The following NECTIN3 variants were observed in gnomAD, a reference collection of about 807,000 sequenced individuals.
NECTIN3 encodes the protein nectin cell adhesion molecule 3.
NECTIN3 carries 8 observed loss-of-function variants against 49.4 expected under a neutral mutation model. The ratio of observed to expected loss-of-function variants is 0.16; its 90% CI spans 0.10 to 0.29. The LOEUF (loss-of-function observed/expected upper bound fraction) is 0.29. Ranked by LOEUF, NECTIN3 falls within the 10% of genes least tolerant of loss-of-function variation. The pLI is 1.00. For missense variants in NECTIN3, 581 were observed against 654.6 expected, an observed-to-expected ratio of 0.89 and a Z score of 1.23; for synonymous variants, 277 against 241.1, an observed-to-expected ratio of 1.15 and a Z score of -1.38.
chr3:111,124,006 A>G (rs2034059750), intron 4 of NECTIN3, among the ~76,000 whole-genome samples: 1 of 152,102 alleles, frequency 6.6e-6, no homozygotes, highest in Non-Finnish European at 1.5e-5. Flanking sequence ...AGGGTTTTTA[A>G]TAACTTTTTA....
Position 111,136,721 on chromosome 3 carries a change from T to C in NECTIN3, c.*2506T>C. On this transcript the variant is annotated 3_prime_UTR_variant, in exon 6 of 6. Transcript: ENST00000485303. ...CTATTTTTGGCCATATTTATATTTA[T>C]TTCTTTCATATGGTTTGAACTGTTT... 1 of 919,776 alleles carries C rather than the reference T, an allele frequency of 1.1e-6. No individual in the cohort carries two copies. The highest frequency in any genetic ancestry group is 1.3e-6 in the Non-Finnish European group (1 of 770,534). 57.0% of individuals were successfully genotyped at this position (919,776 alleles called of 1,614,324 possible).
chr3:111,123,403 A>G (rs1393692433), intron 4 of NECTIN3, among the ~76,000 whole-genome samples: 1 of 152,134 alleles, frequency 6.6e-6, no homozygotes, highest in Non-Finnish European at 1.5e-5. Context: ...ACAGTGAAGC[A>G]TTAAATAAAA....
Position 111,146,205 on chromosome 3 carries a change from C to T in NECTIN3, c.1139+1168C>T, listed in dbSNP as rs1442009160. ...ATCCCAGCACTTTGGGAGGCCGAGG[C>T]GGGCGGATCACGAGGTCAGGAGATC... is the stretch of plus-strand genomic sequence containing the variant. On this transcript the variant is annotated intron_variant, in intron 6 of 8. Transcript: ENST00000493615. 2.6e-4 allele frequency among the ~76,000 whole-genome samples: 39 copies of T among 152,094 alleles called. 1 individual carries two copies. The highest frequency in any genetic ancestry group is 7.4e-5 in the Non-Finnish European group (5 of 67,952).
At chr3:111,150,260 T>C (rs944706512) in intron 7 of NECTIN3, among the ~76,000 whole-genome samples, 3 of 151,908 alleles carry the variant, frequency 2.0e-5, no homozygotes, top group Admixed American at 2.0e-4. Context: ...TGCTGACATA[T>C]CATGTTAATA....
intron 1 of NECTIN3, among the ~76,000 whole-genome samples, chr3:111,091,295 G>A (rs766497947): frequency 5.9e-5 from 9 of 151,472 alleles, no homozygotes; most frequent in Non-Finnish European, 8.8e-5. Flanking sequence ...TTGCTTTGTC[G>A]CCCAGGCTGG....
intron 5 of NECTIN3, among the ~76,000 whole-genome samples, chr3:111,131,321 C>G (rs192935201): frequency 1.3e-5 from 2 of 151,974 alleles, no homozygotes; most frequent in Admixed American, 1.3e-4. Context: ...AAAATAATAT[C>G]TAACTGAAAA....
intron 5 of NECTIN3, among the ~76,000 whole-genome samples, chr3:111,127,445 A>G (rs1183693681): frequency 6.7e-6 from 1 of 148,338 alleles, no homozygotes; most frequent in Non-Finnish European, 1.5e-5. Flanking sequence ...TGCCTGGCAC[A>G]TGATAGAGGT....
Position 111,186,247 on chromosome 3 carries a change from C to T in NECTIN3, c.1222-6104C>T, listed in dbSNP as rs1056731454. On this transcript the variant is annotated intron_variant, in intron 7 of 8. Transcript: ENST00000493615. Reference sequence around the variant, plus strand: ...GGAACCAAAAAAGAGTTTGAATAGCCAAGGCAATCATAAACAAAAAGAACA... The same window carrying T: ...GGAACCAAAAAAGAGTTTGAATAGCTAAGGCAATCATAAACAAAAAGAACA... Among the ~76,000 whole-genome samples, 14 of 151,910 alleles carry T rather than the reference C, an allele frequency of 9.2e-5. No homozygotes were observed. In the East Asian group the frequency reaches 2.3e-3, roughly 25 times the overall value.
chr3:111,154,989 T>G (rs548423407), intron 7 of NECTIN3, among the ~76,000 whole-genome samples: 1 of 152,174 alleles, frequency 6.6e-6, no homozygotes, highest in East Asian at 1.9e-4. Context: ...CAGACTGGAG[T>G]GCAGTGGGTG....
chr3:111,079,624 G>T (rs1402814109), intron 1 of NECTIN3, among the ~76,000 whole-genome samples: 3 of 151,650 alleles, frequency 2.0e-5, no homozygotes, highest in Non-Finnish European at 4.4e-5. Context: ...ATAGCTAACA[G>T]TTCTATACTT....
At chr3:111,138,818 A>G (rs1328488947), downstream of NECTIN3, among the ~76,000 whole-genome samples, 1 of 151,650 alleles carries the variant, frequency 6.6e-6, no homozygotes, top group East Asian at 1.9e-4. Context: ...TCATTTCCTT[A>G]TGTGCATAAT....
At chr3:111,191,533 A>G (rs890759141), upstream of NECTIN3, among the ~76,000 whole-genome samples, 3 of 152,058 alleles carry the variant, frequency 2.0e-5, no homozygotes, top group Non-Finnish European at 2.9e-5. Context: ...AAGCCGAGGA[A>G]AACTGAAAAA....
chr3:111,109,703 A>G lies in NECTIN3; in HGVS notation c.161-2327A>G, dbSNP rs532724588. ...GTACTTTCAATTATTTTATGTTCCT[A>G]ATACCAAACTTTTATTATTTTTACT... On this transcript the variant is annotated intron_variant, in intron 1 of 5. Coordinates refer to ENST00000485303, the MANE Select transcript of NECTIN3 (RefSeq NM_015480.3). Among the ~76,000 whole-genome samples the G allele has an allele frequency of 2.6e-3, 390 of 152,094 alleles. 2 individuals carry two copies. Among genetic ancestry groups the G allele is most frequent in the Middle Eastern group, 0.014 (4 of 288 alleles).
intron 7 of NECTIN3, among the ~76,000 whole-genome samples, chr3:111,165,286 G>A (rs575594864): frequency 7.9e-5 from 12 of 152,012 alleles, no homozygotes; most frequent in Admixed American, 5.9e-4. Flanking sequence ...CTCGTGATCC[G>A]CCCACCTCGG....
At chr3:111,181,006 A>G (rs2035618379) in intron 7 of NECTIN3, among the ~76,000 whole-genome samples, 1 of 152,164 alleles carries the variant, frequency 6.6e-6, no homozygotes, top group African/African-American at 2.4e-5. Context: ...GTACATTTTC[A>G]TAGCCTTGCC....
intron 1 of NECTIN3, among the ~76,000 whole-genome samples, chr3:111,087,446 A>T (rs1475089792): frequency 6.6e-6 from 1 of 152,142 alleles, no homozygotes; most frequent in Non-Finnish European, 1.5e-5. Context: ...GGAGGTCAGG[A>T]GTTCAAGACC....
In NECTIN3 at chr3:111,147,590, G is replaced by A. The variant is rs62273799; in HGVS notation, c.1221+106G>A. The A allele has an allele frequency of 0.98, 918,983 of 937,724 alleles. 450,488 individuals are homozygous for A. The highest frequency in any genetic ancestry group is 1 in the East Asian group (36,642 of 36,654). The allele number at this position is 937,724 out of a possible 1,614,324, so 58.1% of individuals were successfully genotyped here. A position where few individuals can be genotyped will look rare whatever the true frequency, so the allele number is the denominator to read the frequency against. ...ATGTTGTTTAGTCATTATGCATTAA[G>A]TGTTGTTTAGTCATTATGCATTAAA... On this transcript the variant is annotated intron_variant, in intron 7 of 8. Coordinates refer to the NECTIN3 transcript ENST00000493615.
At chr3:111,184,666 T>C (rs1392611465) in intron 7 of NECTIN3, among the ~76,000 whole-genome samples, 1 of 152,238 alleles carries the variant, frequency 6.6e-6, no homozygotes, top group East Asian at 1.9e-4. Context: ...TACTTATTTT[T>C]TCCCACTTTT....
rs34878535 is a variant in NECTIN3, at chr3:111,118,248, C to CTATATATATATATATATA, written c.503-390_503-373dup. ...AAAATTTTTTTACTGTAAAATGAAG[C>CTATATATATATATATATA]TATATATATATATATATATATATAT... On this transcript the variant is annotated intron_variant, in intron 2 of 5. Transcript: ENST00000485303. Among the ~76,000 whole-genome samples the CTATATATATATATATATA allele has an allele frequency of 3.5e-3, 270 of 77,964 alleles. 7 individuals carry two copies. Among genetic ancestry groups the CTATATATATATATATATA allele is most frequent in the Non-Finnish European group, 4.6e-3 (180 of 38,764 alleles). 51.1% of individuals were successfully genotyped at this position (77,964 alleles called of 152,430 possible).
Sources: gnomAD v4.1 joint callset for allele counts (sites outside exome capture counted in the v4.1 genomes callset) on GRCh38, gnomAD v4.1.1 for gene constraint, MANE v1.5 for transcripts, NCBI Gene and HGNC (gene_info 2026-07-23, HGNC 2026-07-21) for gene names.